The following DENND1A variants were observed in gnomAD, a reference collection of about 807,000 sequenced individuals.
The protein encoded by DENND1A is DENN domain containing 1A.
A neutral mutation model predicts 113.7 loss-of-function variants in DENND1A; 51 were observed. That is an observed-to-expected ratio of 0.45 (90% CI 0.36 to 0.57). The LOEUF is 0.57. DENND1A is among the 20% of genes least tolerant of loss of function. The pLI, the probability that DENND1A is intolerant of heterozygous loss-of-function variation, is 0.00. For missense variants in DENND1A, 1,258 were observed against 1,395.9 expected (o/e 0.90, Z 1.57); for synonymous variants, 565 against 570.8 (o/e 0.99, Z 0.14).
intron 2 of DENND1A, among the ~76,000 whole-genome samples, chr9:123,803,554 T>C (rs1403783118): frequency 6.6e-6 from 1 of 152,246 alleles, no homozygotes; most frequent in East Asian, 1.9e-4. Flanking sequence ...CCCCACAGAC[T>C]CTGCCTTCGT....
At chr9:123,457,237 GTC>G (rs2048191973) in intron 15 of DENND1A, 109 bp downstream of exon 15, 2 of 816,398 alleles carry the variant, frequency 2.4e-6, no homozygotes, top group Non-Finnish European at 4.2e-6. Context: ...CTTGAAAGCA[GTC>G]TCTTCCTAAG....
chr9:123,390,453 A>G (rs1397114061), intron 21 of DENND1A, among the ~76,000 whole-genome samples: 1 of 152,180 alleles, frequency 6.6e-6, no homozygotes, highest in Non-Finnish European at 1.5e-5. Flanking sequence ...GGGCAGGCAG[A>G]AAGTGTTTAA....
chr9:123,411,574 A>G (rs2044312026), intron 20 of DENND1A: 1 of 173,638 alleles, frequency 5.8e-6, no homozygotes, highest in African/African-American at 2.4e-5. Context: ...TCTGCAAGTC[A>G]CCAAACTTAT....
intron 9 of DENND1A, among the ~76,000 whole-genome samples, chr9:123,631,707 G>A (rs1415078473): frequency 3.9e-5 from 6 of 152,142 alleles, no homozygotes; most frequent in African/African-American, 1.4e-4. Context: ...ACTGTTTACT[G>A]ACTAATCCTT....
intron 18 of DENND1A, among the ~76,000 whole-genome samples, chr9:123,449,030 T>C (rs1353411640): frequency 6.6e-6 from 1 of 152,210 alleles, no homozygotes; most frequent in Non-Finnish European, 1.5e-5. Context: ...CAGTGTGCAA[T>C]GCAGTAGTGG....
chr9:123,605,624 G>A (rs996169645), intron 11 of DENND1A, among the ~76,000 whole-genome samples: 6 of 152,188 alleles, frequency 3.9e-5, no homozygotes, highest in Non-Finnish European at 8.8e-5. Context: ...GAAGAATGGC[G>A]ATCAGGTATA....
intron 11 of DENND1A, among the ~76,000 whole-genome samples, chr9:123,586,867 G>T (rs770815746): frequency 6.6e-6 from 1 of 152,098 alleles, no homozygotes; most frequent in African/African-American, 2.4e-5. Flanking sequence ...CTCTGCATGG[G>T]AACCAAGTGG....
chr9:123,415,336 T>C (rs1005967784), intron 19 of DENND1A, among the ~76,000 whole-genome samples: 2 of 152,126 alleles, frequency 1.3e-5, no homozygotes, highest in African/African-American at 4.8e-5. Flanking sequence ...CTTGTTATGA[T>C]GCTGGAGCAT....
intron 10 of DENND1A, among the ~76,000 whole-genome samples, chr9:123,614,852 G>C (rs1021485535): frequency 3.3e-5 from 5 of 152,230 alleles, no homozygotes; most frequent in Non-Finnish European, 7.3e-5. Context: ...GGATCCCACA[G>C]TCAGAAAGAA....
At chr9:123,588,661 G>C (rs979796697) in intron 11 of DENND1A, among the ~76,000 whole-genome samples, 1 of 139,382 alleles carries the variant, frequency 7.2e-6, no homozygotes, top group South Asian at 2.4e-4. Flanking sequence ...AAAGTTTAAA[G>C]AAGAAAATTA....
intron 7 of DENND1A, among the ~76,000 whole-genome samples, chr9:123,669,844 A>G (rs1260556532): frequency 6.6e-6 from 1 of 152,192 alleles, no homozygotes; most frequent in Non-Finnish European, 1.5e-5. Context: ...AAAATGGGCA[A>G]AAGTCTCTGT....
intron 18 of DENND1A, 127 bp downstream of exon 18, chr9:123,450,566 G>T: frequency 1.6e-6 from 1 of 635,626 alleles, no homozygotes; most frequent in Admixed American, 3.6e-5. Context: ...CCGGACAGCT[G>T]GTAATGCATT....
chr9:123,850,786 G>A (rs1843231969), intron 2 of DENND1A, among the ~76,000 whole-genome samples: 2 of 151,946 alleles, frequency 1.3e-5, no homozygotes, highest in Admixed American at 1.3e-4. Context: ...AACAATGACT[G>A]GTATAAAATA....
chr9:123,568,626 G>A (rs1185425047), intron 12 of DENND1A, among the ~76,000 whole-genome samples: 1 of 152,204 alleles, frequency 6.6e-6, no homozygotes, highest in African/African-American at 2.4e-5. Flanking sequence ...AGAGCTTGGT[G>A]TTTACAAAGA....
intron 18 of DENND1A, among the ~76,000 whole-genome samples, chr9:123,445,700 G>A (rs761804466): frequency 3.3e-5 from 5 of 152,162 alleles, no homozygotes; most frequent in South Asian, 2.1e-4. Flanking sequence ...GCAAAACCCC[G>A]TCTCTACAAA....
intron 19 of DENND1A, among the ~76,000 whole-genome samples, chr9:123,415,794 G>C (rs964040595): frequency 6.6e-6 from 1 of 152,224 alleles, no homozygotes; most frequent in Non-Finnish European, 1.5e-5. Flanking sequence ...CAGGGGCACA[G>C]TGGACACGCT....
chr9:123,560,546 C>T (rs778527509), intron 12 of DENND1A, among the ~76,000 whole-genome samples: 3 of 151,966 alleles, frequency 2.0e-5, no homozygotes, highest in Non-Finnish European at 2.9e-5. Flanking sequence ...AAGATTTAGC[C>T]AGCCATGGTG....
intron 5 of DENND1A, among the ~76,000 whole-genome samples, chr9:123,708,846 T>C (rs150710817): frequency 1.4e-3 from 210 of 152,352 alleles, no homozygotes; most frequent in Non-Finnish European, 2.5e-3. Context: ...TTTAACTGAA[T>C]TCTAACCTCT....
At chr9:123,528,440 G>T (rs2055023055) in intron 13 of DENND1A, among the ~76,000 whole-genome samples, 1 of 152,106 alleles carries the variant, frequency 6.6e-6, no homozygotes, top group South Asian at 2.1e-4. Context: ...CTTATGGTGT[G>T]AAAAAAATCT....
Sources: allele counts gnomAD v4.1 joint callset (sites outside exome capture counted in the v4.1 genomes callset), GRCh38; gene constraint gnomAD v4.1.1; transcripts MANE v1.5; gene names NCBI Gene and HGNC (gene_info 2026-07-23, HGNC 2026-07-21).